WDTC1: variants seen among roughly 807,000 people sequenced by gnomAD.
The protein encoded by WDTC1 is WD and tetratricopeptide repeats 1.
In WDTC1, 12 loss-of-function variants were observed where a neutral mutation model predicts 76.0. The observed-to-expected ratio is 0.16, with a 90% CI of 0.10 to 0.26. The LOEUF (loss-of-function observed/expected upper bound fraction) is 0.26. Ranked by LOEUF, WDTC1 falls within the 10% of genes least tolerant of loss-of-function variation. The pLI, the probability that WDTC1 is intolerant of heterozygous loss-of-function variation, is 1.00. For synonymous variants in WDTC1, 326 were observed against 350.8 expected (o/e 0.93, Z 0.79); for missense variants, 511 against 908.8 (o/e 0.56, Z 5.63).
Position 27,292,407 on chromosome 1 carries a change from G to C in WDTC1, c.662+10G>C, listed in dbSNP as rs1381476356. On this transcript the variant is annotated intron_variant, in intron 7 of 15. Transcript: ENST00000319394. Reference sequence around the variant, plus strand: ...TGATCCATAACCACAGGTATGAATAGTTCAGCCTCCTGTCTCCTGTGAGTA... The same window carrying C: ...TGATCCATAACCACAGGTATGAATACTTCAGCCTCCTGTCTCCTGTGAGTA... 6.5e-7 allele frequency: 1 copy of C among 1,545,150 alleles called. No individual in the cohort carries two copies.
At chr1:27,296,542 A>G in intron 10 of WDTC1, 141 bp downstream of exon 10, 1 of 818,842 alleles carries the variant, frequency 1.2e-6, no homozygotes, top group Non-Finnish European at 2.0e-6. Context: ...CCACCTATGC[A>G]GTAAGAAAGA....
intron 7 of WDTC1, 33 bp downstream of exon 7, chr1:27,292,430 G>A (rs377394046): frequency 6.7e-6 from 10 of 1,497,410 alleles, no homozygotes; most frequent in Non-Finnish European, 9.0e-6. Context: ...TCTCCTGTGA[G>A]TAAGTCCCCA....
chr1:27,248,811 C>T (rs898442574), intron 1 of WDTC1, among the ~76,000 whole-genome samples: 12 of 152,068 alleles, frequency 7.9e-5, no homozygotes, highest in African/African-American at 2.7e-4. Context: ...AGGTGTGCCA[C>T]CACGCCCAGC....
intron 12 of WDTC1, among the ~76,000 whole-genome samples, chr1:27,299,057 C>T (rs762779744): frequency 3.3e-5 from 5 of 152,138 alleles, no homozygotes; most frequent in Admixed American, 6.5e-5. Flanking sequence ...TTGGATGAAT[C>T]GTGAGTTGAT....
chr1:27,286,871 A>C lies in WDTC1; in HGVS notation c.292-803A>C, dbSNP rs577605162. Among the ~76,000 whole-genome samples the C allele has an allele frequency of 4.6e-5, 7 of 152,096 alleles. No individual in the cohort carries two copies. In the East Asian group the frequency reaches 1.2e-3, roughly 25 times the overall value. On this transcript the variant is annotated intron_variant, in intron 5 of 15. Coordinates refer to ENST00000319394, the MANE Select transcript of WDTC1 (RefSeq NM_001276252.2). ...AGAAGCAGTCAAACTAATTTAAAAC[A>C]CTCACTCCCAACAGGGCATTCTGGC...
At chr1:27,258,796 A>G (rs1402946582) in intron 1 of WDTC1, among the ~76,000 whole-genome samples, 1 of 152,208 alleles carries the variant, frequency 6.6e-6, no homozygotes, top group Non-Finnish European at 1.5e-5. Context: ...CTGCTCACAG[A>G]TCAGGTGAAA....
At chr1:27,286,444 C>T (rs1394718068) in intron 5 of WDTC1, among the ~76,000 whole-genome samples, 1 of 148,190 alleles carries the variant, frequency 6.7e-6, no homozygotes, top group Non-Finnish European at 1.5e-5. Context: ...GACCAGGTCC[C>T]TTTTTTCTTT....
chr1:27,298,949 T>C (rs2013762484), intron 12 of WDTC1, among the ~76,000 whole-genome samples: 1 of 152,100 alleles, frequency 6.6e-6, no homozygotes, highest in Admixed American at 6.5e-5. Flanking sequence ...ATGGTAATGC[T>C]AGGTGGGGGT....
chr1:27,301,544 G>A lies in WDTC1; in HGVS notation c.1468+83G>A, dbSNP rs2013832372. On this transcript the variant is annotated intron_variant, in intron 13 of 15. Transcript: ENST00000319394. This position sits in a 1 kb window ranked among gnomAD's most constrained non-coding sequence, Gnocchi z 5.8. The stretch of plus-strand genomic sequence containing the variant: ...CATTCTGGAGAGGTCATGGTTCTGG[G>A]ATTGGAGAGGCCTGGGTTCAGATGT... The A allele has an allele frequency of 3.4e-6, 5 of 1,465,030 alleles. No individual in the cohort carries two copies. The highest frequency in any genetic ancestry group is 4.7e-5 in the East Asian group (2 of 42,976). The allele number at this position is 1,465,030 out of a possible 1,614,324, so 90.8% of individuals were successfully genotyped here. A position where few individuals can be genotyped will look rare whatever the true frequency, so the allele number is the denominator to read the frequency against.
intron 2 of WDTC1, 87 bp from the exon 3 acceptor site, chr1:27,263,065 C>T: frequency 3.6e-6 from 5 of 1,408,332 alleles, no homozygotes; most frequent in Non-Finnish European, 4.9e-6. Flanking sequence ...CCTGTGGTGC[C>T]CAGGAAAGAG....
chr1:27,243,132 C>T (rs1322061727), intron 1 of WDTC1, among the ~76,000 whole-genome samples: 1 of 151,128 alleles, frequency 6.6e-6, no homozygotes, highest in Non-Finnish European at 1.5e-5. Flanking sequence ...GACAAAGTTT[C>T]AGCAGCTTCC....
At chr1:27,296,246 G>C in intron 9 of WDTC1, 80 bp from the exon 10 acceptor site, 1 of 1,538,524 alleles carries the variant, frequency 6.5e-7, no homozygotes, top group Non-Finnish European at 9.0e-7. Context: ...TAGTTCTTGA[G>C]AAACCAAGAC....
chr1:27,243,906 G>T (rs989738694), intron 1 of WDTC1, among the ~76,000 whole-genome samples: 1 of 150,020 alleles, frequency 6.7e-6, no homozygotes, highest in Non-Finnish European at 1.5e-5. Flanking sequence ...TGGGCAGATC[G>T]CTTGAGCCCA....
At position 27,303,687 on chromosome 1, in the gene WDTC1, T is replaced by C. The variant is rs938226288; in HGVS notation, c.1535T>C (p.Ile512Thr). 10 of 1,613,778 alleles carry C rather than the reference T, an allele frequency of 6.2e-6. No individual in the cohort carries two copies. The highest frequency in any genetic ancestry group is 2.2e-5 in the East Asian group (1 of 44,850). Residue 512 changes from isoleucine to threonine, a missense_variant, in exon 14 of 16, where the codon ATC becomes ACC. By Grantham distance (89) the Ile-to-Thr change is moderately conservative (BLOSUM62 -1). Coordinates refer to ENST00000319394, the MANE Select transcript of WDTC1 (RefSeq NM_001276252.2). The surrounding 1 kb of genome is among the most constrained non-coding windows in gnomAD (Gnocchi z 4.8). ...CGCAGCACGAGCCGCAAGGACTCCA[T>C]CTCAGAGGATGAAATGGTGCTGCGG... The part of the protein sequence containing the change: ...RLRSTSRKDS[I>T]SEDEMVLRER...
At chr1:27,284,300 GAAGAAATGGCCTGC>G (rs2013270357) in intron 5 of WDTC1, among the ~76,000 whole-genome samples, 1 of 152,134 alleles carries the variant, frequency 6.6e-6, no homozygotes, top group South Asian at 2.1e-4. Flanking sequence ...TTTAAAGTTG[GAAGAAATGGCCTGC>G]AAGGAAGGGC....
chr1:27,265,070 C>T (rs2012617635), intron 3 of WDTC1, among the ~76,000 whole-genome samples: 1 of 152,166 alleles, frequency 6.6e-6, no homozygotes. Flanking sequence ...ACCCAAAGTG[C>T]TTGGATTACA....
At chr1:27,242,485 C>T (rs995717697) in intron 1 of WDTC1, among the ~76,000 whole-genome samples, 2 of 150,242 alleles carry the variant, frequency 1.3e-5, no homozygotes, top group East Asian at 2.0e-4. Context: ...TTTTTTGAGA[C>T]GGAGACGGAG....
chr1:27,273,206 C>CTTTTTTTTTTTT lies in WDTC1; in HGVS notation c.133-9024_133-9013dup, dbSNP rs57130485. Among the ~76,000 whole-genome samples the CTTTTTTTTTTTT allele has an allele frequency of 6.7e-3, 693 of 103,456 alleles. 6 individuals carry two copies. The highest frequency in any genetic ancestry group is 8.4e-3 in the Non-Finnish European group (465 of 55,620). 67.9% of individuals were successfully genotyped at this position (103,456 alleles called of 152,430 possible). On this transcript the variant is annotated intron_variant, in intron 3 of 15. Coordinates refer to ENST00000319394, the MANE Select transcript of WDTC1 (RefSeq NM_001276252.2). The stretch of plus-strand genomic sequence containing the variant: ...AAATGACTAATTTTCTTTTTCTTTT[C>CTTTTTTTTTTTT]TTTTTTTTTTTTTTTTTTTTGAGAT...
At chr1:27,255,978 A>G (rs745877218) in intron 1 of WDTC1, among the ~76,000 whole-genome samples, 2 of 152,124 alleles carry the variant, frequency 1.3e-5, no homozygotes, top group African/African-American at 2.4e-5. Flanking sequence ...CCTAAATGTC[A>G]TCTTCTCAGA....
Sources: gnomAD v4.1 joint callset for allele counts (sites outside exome capture counted in the v4.1 genomes callset) on GRCh38, gnomAD v4.1.1 for gene constraint, Gnocchi (gnomAD v3.1) non-coding constraint, MANE v1.5 for transcripts, NCBI Gene and HGNC (gene_info 2026-07-23, HGNC 2026-07-21) for gene names.